SAMD5: variants seen among roughly 807,000 people sequenced by gnomAD.
SAMD5 encodes sterile alpha motif domain containing 5, also known as sterile alpha motif domain-containing protein 5.
In SAMD5, 13 loss-of-function variants were observed where a neutral mutation model predicts 11.3. The ratio of observed to expected loss-of-function variants is 1.15; its 90% CI spans 0.75 to 1.83. The LOEUF (loss-of-function observed/expected upper bound fraction) is 1.83. SAMD5 is among the 40% of genes most tolerant of loss of function. The probability of loss-of-function intolerance (pLI) is 0.00; values close to 1 mark genes in which losing one functional copy is unlikely to be tolerated. For missense variants in SAMD5, 255 were observed against 239.1 expected (o/e 1.07, Z -0.44); for synonymous variants, 129 against 111.3 (o/e 1.16, Z -1.00).
chr6:147,585,063 G>T lies in SAMD5; in HGVS notation c.162+75676G>T, dbSNP rs966442547. Among the ~76,000 whole-genome samples the T allele has an allele frequency of 3.1e-4, 47 of 151,832 alleles. 1 individual carries two copies. Among genetic ancestry groups the T allele is most frequent in the Non-Finnish European group, 1.5e-5 (1 of 67,962 alleles). ...CACTCATGTTGACTCTATGTGCTTT[G>T]TCCCCAACCTCCACTCAATGTCTCA... On this transcript the variant is annotated intron_variant, in intron 1 of 1. Coordinates refer to the SAMD5 transcript ENST00000566741.
At position 147,565,361 on chromosome 6, in the gene SAMD5, G is replaced by T; in HGVS notation, c.*905G>T. On this transcript the variant is annotated 3_prime_UTR_variant, in exon 2 of 2. Coordinates refer to ENST00000367474, the MANE Select transcript of SAMD5 (RefSeq NM_001030060.3). ...GGCCTGAGGAGCCCTGTAGAACTAC[G>T]GCTGAAAAAGAAAGTAGATTGAGGT... 1.0e-6 allele frequency: 1 copy of T among 985,824 alleles called. No individual in the cohort carries two copies. The highest frequency in any genetic ancestry group is 1.2e-6 in the Non-Finnish European group (1 of 829,924). 61.1% of individuals were successfully genotyped at this position (985,824 alleles called of 1,614,324 possible).
chr6:147,633,251 T>G (rs1790177724), intron 1 of SAMD5, among the ~76,000 whole-genome samples: 1 of 152,160 alleles, frequency 6.6e-6, no homozygotes, highest in Admixed American at 6.6e-5. Context: ...AGTAATTACT[T>G]TAGATAATCT....
chr6:147,769,074 G>A, the SAMD5 span, among the ~76,000 whole-genome samples: 8 of 152,312 alleles, frequency 5.3e-5, no homozygotes, highest in South Asian at 4.1e-4. Flanking sequence ...GATTCCAGGC[G>A]TGAGCCACCA....
chr6:147,950,695 T>C, the SAMD5 span, among the ~76,000 whole-genome samples: 1,634 of 152,130 alleles, frequency 0.011, 26 homozygotes, highest in African/African-American at 0.038. Flanking sequence ...ACCTTAAGTT[T>C]CCTCACTGAA....
At chr6:147,606,797 G>C (rs544147379) in intron 1 of SAMD5, among the ~76,000 whole-genome samples, 1 of 152,034 alleles carries the variant, frequency 6.6e-6, no homozygotes, top group Non-Finnish European at 1.5e-5. Flanking sequence ...CTGAGAAACA[G>C]TGAGATTAAG....
chr6:147,610,871 ATTT>A (rs35348058), intron 1 of SAMD5, among the ~76,000 whole-genome samples: 1 of 142,540 alleles, frequency 7.0e-6, no homozygotes, highest in Non-Finnish European at 1.5e-5. Context: ...AAAAGCCAGA[ATTT>A]TTTTTTTTTT....
At chr6:147,885,692 A>G in the SAMD5 span, among the ~76,000 whole-genome samples, 9 of 152,310 alleles carry the variant, frequency 5.9e-5, no homozygotes, top group Admixed American at 1.3e-4. Context: ...ACCCAGGTTA[A>G]ATATAAGAGA....
intron 1 of SAMD5, among the ~76,000 whole-genome samples, chr6:147,609,449 G>A (rs1254070570): frequency 6.6e-6 from 1 of 152,200 alleles, no homozygotes; most frequent in Non-Finnish European, 1.5e-5. Flanking sequence ...CACCTAGTCT[G>A]TAGTTCTTAG....
chr6:147,736,394 C>G (rs1791805574), intron 1 of SAMD5, among the ~76,000 whole-genome samples: 1 of 152,090 alleles, frequency 6.6e-6, no homozygotes, highest in Non-Finnish European at 1.5e-5. Flanking sequence ...AACTTTCTCC[C>G]TAATTTGATA....
At chr6:147,646,798 C>T (rs985611589) in intron 1 of SAMD5, among the ~76,000 whole-genome samples, 1 of 151,784 alleles carries the variant, frequency 6.6e-6, no homozygotes, top group African/African-American at 2.4e-5. Context: ...ATATGTATTA[C>T]ACACTGTGCT....
chr6:147,778,788 G>A, the SAMD5 span, among the ~76,000 whole-genome samples: 27,940 of 151,862 alleles, frequency 0.18, 3,369 homozygotes, highest in African/African-American at 0.34. Context: ...GCACCATCAT[G>A]TGAGGGCAGG....
intron 1 of SAMD5, among the ~76,000 whole-genome samples, chr6:147,596,267 T>C (rs1476137096): frequency 1.3e-5 from 2 of 152,208 alleles, no homozygotes; most frequent in East Asian, 3.8e-4. Context: ...CAATATATCA[T>C]AGTATAGATG....
At chr6:147,821,303 C>G in the SAMD5 span, among the ~76,000 whole-genome samples, 2 of 152,188 alleles carry the variant, frequency 1.3e-5, no homozygotes, top group Non-Finnish European at 1.5e-5. Context: ...GAGTAGATGT[C>G]TTTGTAAGAA....
At chr6:147,584,245 G>C (rs945420643) in intron 1 of SAMD5, among the ~76,000 whole-genome samples, 2 of 152,016 alleles carry the variant, frequency 1.3e-5, no homozygotes, top group Non-Finnish European at 2.9e-5. Context: ...TAAGCATTTC[G>C]TAGACTGTGA....
the SAMD5 span, among the ~76,000 whole-genome samples, chr6:147,931,693 G>A: frequency 6.6e-6 from 1 of 152,162 alleles, no homozygotes; most frequent in Non-Finnish European, 1.5e-5. Flanking sequence ...TTGTTGTGCT[G>A]CAGAGCAAGG....
chr6:147,774,265 A>C, the SAMD5 span, among the ~76,000 whole-genome samples: 1 of 152,170 alleles, frequency 6.6e-6, no homozygotes, highest in African/African-American at 2.4e-5. Flanking sequence ...CAACGTATGA[A>C]TTTGAGGAGG....
At chr6:147,847,603 A>C in the SAMD5 span, among the ~76,000 whole-genome samples, 1 of 152,188 alleles carries the variant, frequency 6.6e-6, no homozygotes, top group Non-Finnish European at 1.5e-5. Flanking sequence ...CTGTAATCCC[A>C]GCACTTTGGG....
chr6:147,870,416 C>T, the SAMD5 span, among the ~76,000 whole-genome samples: 1 of 150,648 alleles, frequency 6.6e-6, no homozygotes. Context: ...ACTCTATTTT[C>T]CCTACATCCC....
the SAMD5 span, among the ~76,000 whole-genome samples, chr6:147,856,594 A>G: frequency 1.6e-4 from 25 of 152,304 alleles, no homozygotes; most frequent in South Asian, 2.1e-4. Context: ...GAGACTCTCA[A>G]AAATGATTGT....
Sources: gnomAD v4.1 joint callset for allele counts (sites outside exome capture counted in the v4.1 genomes callset) on GRCh38, gnomAD v4.1.1 for gene constraint, MANE v1.5 for transcripts, NCBI Gene and HGNC (gene_info 2026-07-23, HGNC 2026-07-21) for gene names.